The following MMP16 variants were observed in gnomAD, a reference collection of about 807,000 sequenced individuals.
The protein encoded by MMP16 is matrix metalloproteinase-16.
Under a neutral mutation model 67.8 loss-of-function variants are expected in MMP16, and 12 were observed. The observed-to-expected ratio is 0.18, with a 90% CI of 0.11 to 0.29. MMP16 has a LOEUF of 0.29. Ranked by LOEUF, MMP16 falls within the 10% of genes least tolerant of loss-of-function variation. The probability of loss-of-function intolerance (pLI) is 1.00; values close to 1 mark genes in which losing one functional copy is unlikely to be tolerated. For missense variants in MMP16, 475 were observed against 765.7 expected, an observed-to-expected ratio of 0.62 and a Z score of 4.48; for synonymous variants, 249 against 255.9, an observed-to-expected ratio of 0.97 and a Z score of 0.26.
intron 1 of MMP16, among the ~76,000 whole-genome samples, chr8:88,210,449 C>T (rs1371294183): frequency 1.3e-5 from 2 of 152,114 alleles, no homozygotes; most frequent in Non-Finnish European, 2.9e-5. Flanking sequence ...GTATTAATGC[C>T]CAGTTGATAA....
intron 1 of MMP16, among the ~76,000 whole-genome samples, chr8:88,316,831 A>G (rs1811381954): frequency 6.6e-6 from 1 of 152,256 alleles, no homozygotes; most frequent in East Asian, 1.9e-4. Flanking sequence ...ACCTTCTGTA[A>G]AAGATTCACC....
intron 4 of MMP16, among the ~76,000 whole-genome samples, chr8:88,121,702 G>T (rs1183021663): frequency 1.3e-5 from 2 of 151,978 alleles, no homozygotes; most frequent in Non-Finnish European, 2.9e-5. Context: ...TCTTTTGCAA[G>T]ATTTTGAGTT....
intron 1 of MMP16, among the ~76,000 whole-genome samples, chr8:88,222,120 T>C (rs1355164692): frequency 1.3e-5 from 2 of 151,936 alleles, no homozygotes; most frequent in Non-Finnish European, 2.9e-5. Context: ...TCCAGGCAGG[T>C]GTCTCACTCC....
At chr8:88,187,377 CTATT>C (rs1238679613) in intron 2 of MMP16, among the ~76,000 whole-genome samples, 2 of 152,118 alleles carry the variant, frequency 1.3e-5, no homozygotes, top group Non-Finnish European at 2.9e-5. Flanking sequence ...CATTTTCTAT[CTATT>C]CTTGCATCTT....
intron 2 of MMP16, among the ~76,000 whole-genome samples, chr8:88,188,048 A>T (rs988369843): frequency 6.6e-6 from 1 of 152,196 alleles, no homozygotes; most frequent in African/African-American, 2.4e-5. Flanking sequence ...AACACACTGA[A>T]TTTGAGAGAT....
intron 1 of MMP16, among the ~76,000 whole-genome samples, chr8:88,213,875 C>T (rs1809548783): frequency 6.6e-6 from 1 of 152,180 alleles, no homozygotes; most frequent in Admixed American, 6.6e-5. Context: ...ATGCTTCTTC[C>T]TTCCCATCCC....
intron 3 of MMP16, among the ~76,000 whole-genome samples, chr8:88,182,966 T>C (rs1049132882): frequency 6.6e-6 from 1 of 152,044 alleles, no homozygotes; most frequent in Non-Finnish European, 1.5e-5. Context: ...AAAAGCTACA[T>C]TCTCTATAGT....
chr8:88,128,425 C>T (rs1014616684), intron 4 of MMP16, among the ~76,000 whole-genome samples: 1 of 151,846 alleles, frequency 6.6e-6, no homozygotes, highest in Non-Finnish European at 1.5e-5. Flanking sequence ...TTCCCTACAG[C>T]TTGACTAAAC....
At chr8:88,164,443 G>A (rs375211956) in intron 4 of MMP16, among the ~76,000 whole-genome samples, 16 of 152,066 alleles carry the variant, frequency 1.1e-4, no homozygotes, top group African/African-American at 3.6e-4. Context: ...AGTACCACAA[G>A]CAAAGATAGA....
At chr8:88,208,951 G>A (rs550144133) in intron 1 of MMP16, among the ~76,000 whole-genome samples, 165 of 152,122 alleles carry the variant, frequency 1.1e-3, no homozygotes, top group African/African-American at 3.9e-3. Flanking sequence ...ACTTAATAGC[G>A]ATGAGTGCAT....
intron 4 of MMP16, among the ~76,000 whole-genome samples, chr8:88,154,478 C>G (rs1457212666): frequency 6.8e-6 from 1 of 148,098 alleles, no homozygotes; most frequent in Non-Finnish European, 1.5e-5. Flanking sequence ...AAATGTCCAA[C>G]AATGATAGAC....
At chr8:88,292,531 G>GA (rs1219125079) in intron 1 of MMP16, among the ~76,000 whole-genome samples, 1 of 152,280 alleles carries the variant, frequency 6.6e-6, no homozygotes, top group East Asian at 1.9e-4. Flanking sequence ...TGCAGGATGA[G>GA]AAAAATGTTA....
intron 4 of MMP16, among the ~76,000 whole-genome samples, chr8:88,153,782 T>A (rs1172403511): frequency 6.6e-6 from 1 of 150,440 alleles, no homozygotes; most frequent in East Asian, 2.0e-4. Context: ...AACCTAGGCA[T>A]TACCATTCAG....
At chr8:88,192,341 A>G (rs1809182202) in intron 2 of MMP16, among the ~76,000 whole-genome samples, 1 of 152,156 alleles carries the variant, frequency 6.6e-6, no homozygotes, top group South Asian at 2.1e-4. Flanking sequence ...TGAAATGGCA[A>G]AGTTAAAGTA....
At chr8:88,312,648 C>T (rs902972448) in intron 1 of MMP16, among the ~76,000 whole-genome samples, 3 of 152,164 alleles carry the variant, frequency 2.0e-5, no homozygotes, top group Non-Finnish European at 4.4e-5. Context: ...TAGGCAATCA[C>T]TGATCTGCTT....
At chr8:88,269,773 T>A (rs931801222) in intron 1 of MMP16, among the ~76,000 whole-genome samples, 6 of 152,200 alleles carry the variant, frequency 3.9e-5, no homozygotes, top group Non-Finnish European at 7.3e-5. Flanking sequence ...TACGACCTAT[T>A]AAAATATTTT....
chr8:88,100,206 G>T (rs972401465), intron 6 of MMP16, among the ~76,000 whole-genome samples: 3 of 151,724 alleles, frequency 2.0e-5, no homozygotes, highest in Non-Finnish European at 2.9e-5. Flanking sequence ...TTCTTCTAGG[G>T]TTTATATAGC....
At chr8:88,177,633 A>T (rs552656462) in intron 3 of MMP16, among the ~76,000 whole-genome samples, 3 of 152,336 alleles carry the variant, frequency 2.0e-5, no homozygotes, top group African/African-American at 7.2e-5. Flanking sequence ...TAATGCCATG[A>T]GTATTCTATT....
At chr8:88,264,671 C>G (rs1342572241) in intron 1 of MMP16, among the ~76,000 whole-genome samples, 2 of 152,180 alleles carry the variant, frequency 1.3e-5, no homozygotes, top group African/African-American at 4.8e-5. Context: ...AAATATGATT[C>G]AGGCCATGGC....
Sources: allele counts gnomAD v4.1 joint callset (sites outside exome capture counted in the v4.1 genomes callset), GRCh38; gene constraint gnomAD v4.1.1; transcripts MANE v1.5; gene names NCBI Gene and HGNC (gene_info 2026-07-23, HGNC 2026-07-21).